The following FAM83B variants were observed in gnomAD, a reference collection of about 807,000 sequenced individuals.
FAM83B encodes the protein protein FAM83B.
FAM83B carries 26 observed loss-of-function variants against 38.8 expected under a neutral mutation model. The observed-to-expected ratio is 0.67, with a 90% CI of 0.49 to 0.93. The LOEUF (loss-of-function observed/expected upper bound fraction) is 0.93. Ranked by LOEUF, FAM83B falls within the 40% of genes least tolerant of loss-of-function variation. The pLI, the probability that FAM83B is intolerant of heterozygous loss-of-function variation, is 0.00. For missense variants in FAM83B, 1,237 were observed against 1,197.3 expected (o/e 1.03, Z -0.49); for synonymous variants, 419 against 423.1 (o/e 0.99, Z 0.12).
At chr6:54,893,967 G>C (rs773810527) in intron 2 of FAM83B, among the ~76,000 whole-genome samples, 6 of 152,198 alleles carry the variant, frequency 3.9e-5, no homozygotes, top group Non-Finnish European at 8.8e-5. Context: ...GGTGATAAAA[G>C]ATCACTGGTT....
At chr6:54,933,054 T>A (rs765894289) in intron 4 of FAM83B, among the ~76,000 whole-genome samples, 1 of 152,252 alleles carries the variant, frequency 6.6e-6, no homozygotes, top group South Asian at 2.1e-4. Flanking sequence ...CTTCTTTGCC[T>A]CTCCTCTTTC....
intron 1 of FAM83B, among the ~76,000 whole-genome samples, chr6:54,862,268 T>A (rs1176823292): frequency 1.3e-5 from 2 of 152,156 alleles, no homozygotes; most frequent in Non-Finnish European, 2.9e-5. Flanking sequence ...ATAGATCTAT[T>A]CAGATTATAT....
At chr6:54,870,750 A>C (rs1771834102) in intron 2 of FAM83B, 60 bp downstream of exon 2, 2 of 1,392,542 alleles carry the variant, frequency 1.4e-6, no homozygotes, top group East Asian at 4.7e-5. Context: ...TAGAGAGAGT[A>C]ATAACACAAA....
intron 2 of FAM83B, among the ~76,000 whole-genome samples, chr6:54,882,312 T>C (rs1772151377): frequency 6.6e-6 from 1 of 152,236 alleles, no homozygotes; most frequent in African/African-American, 2.4e-5. Context: ...TGTTTAATGC[T>C]ATGTGCCAGG....
chr6:54,862,087 T>C (rs948655646), intron 1 of FAM83B, among the ~76,000 whole-genome samples: 6 of 152,264 alleles, frequency 3.9e-5, no homozygotes, highest in Non-Finnish European at 5.9e-5. Flanking sequence ...GGGGTCATAA[T>C]GGGTTTGTTT....
intron 1 of FAM83B, among the ~76,000 whole-genome samples, chr6:54,863,555 G>GACTTTTGTCATTTGATCCTTAATTCT (rs60274215): frequency 6.6e-6 from 1 of 151,668 alleles, no homozygotes; most frequent in African/African-American, 2.4e-5. Context: ...GCCAACCTGT[G>GACTTTTGTCATTTGATCCTTAATTCT]ACTTCTCCAC....
chr6:54,848,574 T>G (rs1771195631), intron 1 of FAM83B, among the ~76,000 whole-genome samples: 1 of 152,180 alleles, frequency 6.6e-6, no homozygotes, highest in African/African-American at 2.4e-5. Flanking sequence ...GTAATTAATT[T>G]TATTAATCTT....
intron 2 of FAM83B, among the ~76,000 whole-genome samples, chr6:54,918,812 G>A (rs1773103867): frequency 6.6e-6 from 1 of 152,146 alleles, no homozygotes; most frequent in Admixed American, 6.6e-5. Context: ...TTTTCTGGTT[G>A]AACTAAATAT....
intron 2 of FAM83B, among the ~76,000 whole-genome samples, chr6:54,914,379 C>G (rs1420889449): frequency 6.6e-6 from 1 of 152,152 alleles, no homozygotes; most frequent in Non-Finnish European, 1.5e-5. Flanking sequence ...CTAGCACTTA[C>G]ATTCTGTCTC....
At chr6:54,857,166 T>C (rs1368563489) in intron 1 of FAM83B, among the ~76,000 whole-genome samples, 1 of 152,238 alleles carries the variant, frequency 6.6e-6, no homozygotes, top group Non-Finnish European at 1.5e-5. Flanking sequence ...TGAGGCACAC[T>C]ACCCTTGTTA....
intron 1 of FAM83B, among the ~76,000 whole-genome samples, chr6:54,863,191 CT>C (rs1344828740): frequency 6.6e-6 from 1 of 152,142 alleles, no homozygotes; most frequent in Non-Finnish European, 1.5e-5. Flanking sequence ...AAAATGTGTC[CT>C]CTGCTTAATT....
intron 2 of FAM83B, among the ~76,000 whole-genome samples, chr6:54,871,160 G>A (rs1311061467): frequency 6.6e-6 from 1 of 152,096 alleles, no homozygotes; most frequent in Non-Finnish European, 1.5e-5. Context: ...CCTGAGTTGT[G>A]TGGAAACAGT....
intron 2 of FAM83B, among the ~76,000 whole-genome samples, chr6:54,877,849 C>T (rs535577601): frequency 2.0e-5 from 3 of 152,232 alleles, no homozygotes; most frequent in Non-Finnish European, 4.4e-5. Context: ...ATTACATATT[C>T]CTAATCGGAG....
chr6:54,910,148 GT>G (rs1772872406), intron 2 of FAM83B, among the ~76,000 whole-genome samples: 1 of 152,152 alleles, frequency 6.6e-6, no homozygotes, highest in East Asian at 1.9e-4. Flanking sequence ...CTCACAATGA[GT>G]TTCCACCTAG....
intron 1 of FAM83B, among the ~76,000 whole-genome samples, chr6:54,850,860 A>G (rs1036501565): frequency 6.6e-6 from 1 of 151,950 alleles, no homozygotes; most frequent in Non-Finnish European, 1.5e-5. Flanking sequence ...CTCTACTAAA[A>G]ATACAAAAAT....
At chr6:54,929,902 G>A (rs1455891089) in intron 4 of FAM83B, among the ~76,000 whole-genome samples, 1 of 152,010 alleles carries the variant, frequency 6.6e-6, no homozygotes, top group Non-Finnish European at 1.5e-5. Flanking sequence ...GTACAAAACA[G>A]TGACTTTTGT....
intron 2 of FAM83B, among the ~76,000 whole-genome samples, chr6:54,916,069 AC>A (rs925998553): frequency 5.9e-5 from 9 of 152,188 alleles, no homozygotes; most frequent in Admixed American, 2.0e-4. Context: ...CCATTTCCCA[AC>A]AAAACTGGGC....
At chr6:54,910,995 A>G (rs774143682) in intron 2 of FAM83B, among the ~76,000 whole-genome samples, 2 of 152,166 alleles carry the variant, frequency 1.3e-5, no homozygotes, top group African/African-American at 2.4e-5. Flanking sequence ...GTAAAAATAT[A>G]CATATACCAA....
At chr6:54,925,336 C>T (rs1037828624) in intron 2 of FAM83B, among the ~76,000 whole-genome samples, 2 of 151,988 alleles carry the variant, frequency 1.3e-5, no homozygotes, top group African/African-American at 4.8e-5. Context: ...TATGTCTTCC[C>T]CCACTAGAAT....
Sources: gnomAD v4.1 joint callset for allele counts (sites outside exome capture counted in the v4.1 genomes callset) on GRCh38, gnomAD v4.1.1 for gene constraint, MANE v1.5 for transcripts, NCBI Gene and HGNC (gene_info 2026-07-23, HGNC 2026-07-21) for gene names.